Variants in SPPL3 observed in about 807,000 individuals in gnomAD.
The protein encoded by SPPL3 is signal peptide peptidase like 3, also known as signal peptide peptidase-like 3.
In SPPL3, 5 loss-of-function variants were observed where a neutral mutation model predicts 42.4. The ratio of observed to expected loss-of-function variants is 0.12; its 90% confidence interval spans 0.06 to 0.25. The LOEUF (loss-of-function observed/expected upper bound fraction) is 0.25. Ranked by LOEUF, SPPL3 falls within the 10% of genes least tolerant of loss-of-function variation. The pLI, the probability that SPPL3 is intolerant of heterozygous loss-of-function variation, is 1.00. For synonymous variants in SPPL3, 195 were observed against 181.8 expected, an observed-to-expected ratio of 1.07 and a Z score of -0.58; for missense variants, 235 against 489.0, an observed-to-expected ratio of 0.48 and a Z score of 4.90.
At chr12:120,844,004 A>G (rs904407725) in intron 1 of SPPL3, among the ~76,000 whole-genome samples, 3 of 152,000 alleles carry the variant, frequency 2.0e-5, no homozygotes, top group Non-Finnish European at 2.9e-5. Context: ...AAAACAAAAC[A>G]TTTGTTCTCT....
intron 1 of SPPL3, among the ~76,000 whole-genome samples, chr12:120,902,619 T>C (rs1027847164): frequency 6.6e-6 from 1 of 152,296 alleles, no homozygotes; most frequent in Middle Eastern, 3.4e-3. Flanking sequence ...AGCAAGTTGG[T>C]GGCAAACCGG....
At chr12:120,793,149 C>T (rs1267157164) in intron 2 of SPPL3, among the ~76,000 whole-genome samples, 1 of 152,166 alleles carries the variant, frequency 6.6e-6, no homozygotes, top group Non-Finnish European at 1.5e-5. Flanking sequence ...AGAAGATACA[C>T]AAATAGCCAA....
Position 120,764,699 on chromosome 12 carries a change from C to T in SPPL3, c.*300G>A, listed in dbSNP as rs1868813119. On this transcript the variant is annotated 3_prime_UTR_variant, in exon 11 of 11. Coordinates refer to ENST00000353487, the MANE Select transcript of SPPL3 (RefSeq NM_139015.5). ...TTTTAAACAGTCAAATCTCCATCTCCCCCAGAAGGTAACAGTCTGGTGCAG... is the reference window on the plus strand; with the variant it reads ...TTTTAAACAGTCAAATCTCCATCTCTCCCAGAAGGTAACAGTCTGGTGCAG... The T allele has an allele frequency of 2.5e-6, 1 of 400,210 alleles. No individual in the cohort carries two copies. The highest frequency in any genetic ancestry group is 4.4e-6 in the Non-Finnish European group (1 of 227,234). 24.8% of individuals were successfully genotyped at this position (400,210 alleles called of 1,614,324 possible). A position where few individuals can be genotyped will look rare whatever the true frequency, so the allele number is the denominator to read the frequency against.
At position 120,767,479 on chromosome 12, in the gene SPPL3, G is replaced by A; in HGVS notation, c.888C>T (p.Ser296=). The A allele has an allele frequency of 6.2e-7, 1 of 1,614,158 alleles. No individual in the cohort carries two copies. The highest frequency in any genetic ancestry group is 8.5e-7 in the Non-Finnish European group (1 of 1,180,032). Residue 296 remains serine (S), a synonymous_variant, in exon 9 of 11, where the codon TCC becomes TCT. Transcript: ENST00000353487. ...TGTTGGCAGGTCCAGGGGCCCCACAGGAGTCCCCACTGGCTTGCTTTTTGT... is the reference window on the plus strand; with the variant it reads ...TGTTGGCAGGTCCAGGGGCCCCACAAGAGTCCCCACTGGCTTGCTTTTTGT... The part of the protein sequence containing the change: ...DNYKKQASGD[S]CGAPGPANIS...
chr12:120,791,830 T>C (rs1869926634), intron 2 of SPPL3: 1 of 346,912 alleles, frequency 2.9e-6, no homozygotes, highest in Non-Finnish European at 5.3e-6. Flanking sequence ...AATTACTTCC[T>C]TATGATAAAA....
chr12:120,876,843 A>AC (rs59695891), intron 1 of SPPL3, among the ~76,000 whole-genome samples: 6 of 149,068 alleles, frequency 4.0e-5, no homozygotes, highest in Non-Finnish European at 7.4e-5. Context: ...ACACACACAC[A>AC]AATTAAATGC....
intron 1 of SPPL3, 138 bp downstream of exon 1, chr12:120,903,707 G>A: frequency 1.4e-6 from 1 of 738,688 alleles, no homozygotes; most frequent in East Asian, 3.5e-5. Context: ...CGGTGGGGAA[G>A]AGGGGGGCGT....
chr12:120,819,727 A>G (rs1245379290), intron 1 of SPPL3, among the ~76,000 whole-genome samples: 2 of 152,208 alleles, frequency 1.3e-5, no homozygotes, highest in Non-Finnish European at 2.9e-5. Flanking sequence ...TATCATTAAA[A>G]ATTTCCATTT....
At chr12:120,839,241 A>G (rs791707) in intron 1 of SPPL3, among the ~76,000 whole-genome samples, 36,604 of 150,888 alleles carry the variant, frequency 0.24, 5,502 homozygotes, top group Non-Finnish European at 0.35. Context: ...CATCATTCTC[A>G]GTGAACTACT....
At chr12:120,857,712 C>A (rs1592998624) in intron 1 of SPPL3, among the ~76,000 whole-genome samples, 1 of 152,144 alleles carries the variant, frequency 6.6e-6, no homozygotes, top group South Asian at 2.1e-4. Context: ...CAAACTAACA[C>A]AGGAACAGAA....
chr12:120,872,579 G>A (rs1036508762), intron 1 of SPPL3, among the ~76,000 whole-genome samples: 1 of 152,128 alleles, frequency 6.6e-6, no homozygotes, highest in Non-Finnish European at 1.5e-5. Flanking sequence ...GGAGAAGCGG[G>A]GGCTGCATGC....
intron 1 of SPPL3, among the ~76,000 whole-genome samples, chr12:120,814,353 G>A (rs938995169): frequency 6.6e-6 from 1 of 152,170 alleles, no homozygotes; most frequent in Non-Finnish European, 1.5e-5. Context: ...GGCCACTCGA[G>A]CCTCTCTCTT....
chr12:120,807,080 A>G (rs1870521524), intron 2 of SPPL3, among the ~76,000 whole-genome samples: 1 of 152,136 alleles, frequency 6.6e-6, no homozygotes, highest in South Asian at 2.1e-4. Context: ...ATAGTTGCAA[A>G]TCATATGACT....
intron 1 of SPPL3, among the ~76,000 whole-genome samples, chr12:120,883,615 A>G (rs1045444698): frequency 1.3e-5 from 2 of 152,242 alleles, no homozygotes. Context: ...AATATTTATC[A>G]GAACAGATAA....
chr12:120,777,754 C>T (rs1869376101), intron 6 of SPPL3, among the ~76,000 whole-genome samples: 1 of 152,210 alleles, frequency 6.6e-6, no homozygotes, highest in Non-Finnish European at 1.5e-5. Context: ...CATTGCACTT[C>T]AGACTGCTTA....
chr12:120,820,158 C>T (rs999471221), intron 1 of SPPL3, among the ~76,000 whole-genome samples: 3 of 151,922 alleles, frequency 2.0e-5, no homozygotes, highest in Non-Finnish European at 2.9e-5. Flanking sequence ...TCACAAAACA[C>T]CAAAGGTTGT....
chr12:120,845,185 G>A lies in SPPL3; in HGVS notation c.24-34299C>T, dbSNP rs140932079. The A allele has an allele frequency of 6.2e-4, 287 of 460,398 alleles. 3 individuals carry two copies. The highest frequency in any genetic ancestry group is 5.2e-3 in the African/African-American group (254 of 48,936). The allele number at this position is 460,398 out of a possible 1,614,324, so 28.5% of individuals were successfully genotyped here. ...CCCGTCGCCACTGGTGGCACAGGTG[G>A]CCTGAATGTACCAGTTCATGTGGCA... On this transcript the variant is annotated intron_variant, in intron 1 of 10. Transcript: ENST00000353487.
In SPPL3 at chr12:120,784,572, G is replaced by A. The variant is rs199998441; in HGVS notation, c.212C>T (p.Thr71Ile). 4.2e-5 allele frequency: 67 copies of A among 1,608,670 alleles called. No individual in the cohort carries two copies. Among genetic ancestry groups the A allele is most frequent in the Non-Finnish European group, 5.6e-5 (66 of 1,178,368 alleles). Reference protein sequence around the residue: ...TNNSIQTIDSTQALFLPIGAS... With the variant: ...TNNSIQTIDSIQALFLPIGAS... The stretch of plus-strand genomic sequence containing the variant: ...TCCAATTGGAAGGAACAGAGCCTGG[G>A]TAGAGTCAATTGTTTGGATGCCTGA... Residue 71 changes from threonine (T) to isoleucine (I), a missense_variant, in exon 4 of 11, where the codon ACC (threonine) becomes ATC (isoleucine). Thr to Ile is a moderately conservative substitution (Grantham distance 89). Transcript: ENST00000353487.
chr12:120,864,848 G>C (rs1013632318), intron 1 of SPPL3, among the ~76,000 whole-genome samples: 1 of 152,056 alleles, frequency 6.6e-6, no homozygotes, highest in Non-Finnish European at 1.5e-5. Context: ...AGTGTCAAGA[G>C]TTAACCAAAG....
Sources: gnomAD v4.1 joint callset for allele counts (sites outside exome capture counted in the v4.1 genomes callset) on GRCh38, gnomAD v4.1.1 for gene constraint, MANE v1.5 for transcripts, NCBI Gene and HGNC (gene_info 2026-07-23, HGNC 2026-07-21) for gene names.